WDPCP: variants seen among roughly 807,000 people sequenced by gnomAD.
The protein encoded by WDPCP is WD repeat containing planar cell polarity effector, also known as WD repeat-containing and planar cell polarity effector protein fritz homolog.
Under a neutral mutation model 93.1 loss-of-function variants are expected in WDPCP, and 71 were observed. The ratio of observed to expected loss-of-function variants is 0.76; its 90% CI spans 0.63 to 0.93. The LOEUF (loss-of-function observed/expected upper bound fraction) is 0.93, where lower values mean the gene tolerates loss of function less well. Ranked by LOEUF, WDPCP falls within the 40% of genes least tolerant of loss-of-function variation. The pLI, the probability that WDPCP is intolerant of heterozygous loss-of-function variation, is 0.00. For missense variants in WDPCP, 844 were observed against 887.4 expected (o/e 0.95, Z 0.62); for synonymous variants, 315 against 315.0 (o/e 1.00, Z 0.00).
chr2:63,677,514 G>A (rs969260572), intron 2 of WDPCP, among the ~76,000 whole-genome samples: 19 of 144,170 alleles, frequency 1.3e-4, no homozygotes, highest in African/African-American at 2.6e-4. Flanking sequence ...GCCTATGCAC[G>A]TGACGATAAA....
intron 9 of WDPCP, among the ~76,000 whole-genome samples, chr2:63,424,338 C>A (rs551816162): frequency 3.3e-5 from 5 of 152,200 alleles, no homozygotes; most frequent in African/African-American, 7.2e-5. Context: ...CTCCATTTTC[C>A]TCCAGGTAGT....
At chr2:63,822,720 T>C (rs985188548) in intron 1 of WDPCP, among the ~76,000 whole-genome samples, 2 of 151,962 alleles carry the variant, frequency 1.3e-5, no homozygotes, top group African/African-American at 4.8e-5. Context: ...ACCCTGTCTC[T>C]AAAAGAAAAT....
chr2:63,469,380 A>G (rs572811757), intron 6 of WDPCP, among the ~76,000 whole-genome samples: 3 of 152,368 alleles, frequency 2.0e-5, no homozygotes, highest in African/African-American at 7.2e-5. Flanking sequence ...TAGTTCTATC[A>G]TAAAGACACA....
At chr2:63,281,976 T>TAA (rs148963515) in intron 13 of WDPCP, among the ~76,000 whole-genome samples, 3 of 147,604 alleles carry the variant, frequency 2.0e-5, no homozygotes, top group Non-Finnish European at 4.5e-5. Flanking sequence ...CCTATTGAAA[T>TAA]AAAAAAAAAA....
At chr2:63,615,424 G>A (rs571005554) in intron 3 of WDPCP, among the ~76,000 whole-genome samples, 6 of 152,278 alleles carry the variant, frequency 3.9e-5, no homozygotes, top group Non-Finnish European at 5.9e-5. Context: ...TAAGCAATGC[G>A]AAGAAGCTCA....
chr2:63,335,749 G>C (rs1473552316), intron 12 of WDPCP, among the ~76,000 whole-genome samples: 2 of 152,136 alleles, frequency 1.3e-5, no homozygotes, highest in African/African-American at 2.4e-5. Flanking sequence ...TAGGAACTGG[G>C]TAAAAATGAG....
intron 2 of WDPCP, among the ~76,000 whole-genome samples, chr2:63,678,004 G>A (rs1710443889): frequency 6.6e-6 from 1 of 152,118 alleles, no homozygotes; most frequent in Non-Finnish European, 1.5e-5. Context: ...ATCTTTCTAT[G>A]ACAGGAAAGT....
intron 9 of WDPCP, among the ~76,000 whole-genome samples, chr2:63,425,495 A>G (rs1157313292): frequency 6.6e-6 from 1 of 152,226 alleles, no homozygotes; most frequent in Non-Finnish European, 1.5e-5. Flanking sequence ...AAATGATTCA[A>G]GAGTAGAAAG....
At chr2:63,684,232 G>T in intron 2 of WDPCP, 1 of 437,630 alleles carries the variant, frequency 2.3e-6, no homozygotes. Flanking sequence ...CACAAAACAA[G>T]TCTTAAAACA....
intron 9 of WDPCP, among the ~76,000 whole-genome samples, chr2:63,415,893 G>A (rs1217242914): frequency 6.6e-6 from 1 of 152,170 alleles, no homozygotes; most frequent in Non-Finnish European, 1.5e-5. Context: ...TTGTCCAGTA[G>A]CTAATAATAT....
In WDPCP at chr2:63,545,857, T is replaced by TA. The variant is rs76994891; in HGVS notation, c.75+42339dup. Among the ~76,000 whole-genome samples the TA allele has an allele frequency of 3.3e-3, 439 of 132,104 alleles. 1 individual carries two copies. The highest frequency in any genetic ancestry group is 6.7e-3 in the African/African-American group (242 of 35,902). 86.7% of individuals were successfully genotyped at this position (132,104 alleles called of 152,430 possible). A position where few individuals can be genotyped will look rare whatever the true frequency, so the allele number is the denominator to read the frequency against. On this transcript the variant is annotated intron_variant, in intron 1 of 17. Coordinates refer to ENST00000272321, the MANE Select transcript of WDPCP (RefSeq NM_015910.7). ...TTCTTCTGAACGAGGCGCTCAGATT[T>TA]AAAAAAAAAAAAAAAAAAGTACTGT...
At chr2:63,702,135 C>G (rs930125490) in intron 2 of WDPCP, among the ~76,000 whole-genome samples, 3 of 152,140 alleles carry the variant, frequency 2.0e-5, no homozygotes, top group Admixed American at 6.5e-5. Flanking sequence ...AAGCGATTCT[C>G]CTGCCTCAGC....
upstream of WDPCP, among the ~76,000 whole-genome samples, chr2:63,832,764 A>G (rs1015335588): frequency 3.9e-5 from 6 of 152,176 alleles, no homozygotes; most frequent in Non-Finnish European, 7.3e-5. Flanking sequence ...ACTATGATAC[A>G]CTCTGGGGAT....
chr2:63,754,330 A>G (rs1476312601), intron 2 of WDPCP, among the ~76,000 whole-genome samples: 1 of 152,242 alleles, frequency 6.6e-6, no homozygotes, highest in Non-Finnish European at 1.5e-5. Context: ...AGGGCACCAC[A>G]GTATCAACCA....
intron 2 of WDPCP, among the ~76,000 whole-genome samples, chr2:63,708,076 G>A (rs1298769017): frequency 6.6e-6 from 1 of 152,190 alleles, no homozygotes; most frequent in Non-Finnish European, 1.5e-5. Flanking sequence ...TGGGGGTCAG[G>A]GAACCACTTG....
At chr2:63,605,821 T>G (rs1709516321) in intron 3 of WDPCP, 1 of 834,116 alleles carries the variant, frequency 1.2e-6, no homozygotes, top group Admixed American at 1.8e-5. Context: ...GATAGTTCCT[T>G]ACACAGTAAT....
intron 2 of WDPCP, among the ~76,000 whole-genome samples, chr2:63,669,658 C>G (rs1262021331): frequency 6.6e-6 from 1 of 152,112 alleles, no homozygotes; most frequent in African/African-American, 2.4e-5. Flanking sequence ...CCGTGCCCAG[C>G]CTAATTTTTA....
rs545435507 is a variant in WDPCP at position 63,665,653 on chromosome 2, G to A, written n.309-14815C>T. 2.0e-5 allele frequency among the ~76,000 whole-genome samples: 3 copies of A among 152,276 alleles called. No individual in the cohort carries two copies. The East Asian group carries it at 5.8e-4, about 29-fold the overall frequency. ...ACAAATGTGACAGAAAGGTAAAGAA[G>A]GATATTGGCTGCAAATAAACTATTG... On this transcript the variant is annotated intron_variant and non_coding_transcript_variant, in intron 2 of 4. Coordinates refer to the WDPCP transcript ENST00000467687.
At chr2:63,675,497 G>A (rs917350945) in intron 2 of WDPCP, among the ~76,000 whole-genome samples, 2 of 152,110 alleles carry the variant, frequency 1.3e-5, no homozygotes, top group African/African-American at 4.8e-5. Context: ...TGCTGTTCAA[G>A]CTCTCTCATT....
Sources: allele counts gnomAD v4.1 joint callset (sites outside exome capture counted in the v4.1 genomes callset), GRCh38; gene constraint gnomAD v4.1.1; transcripts MANE v1.5; gene names NCBI Gene and HGNC (gene_info 2026-07-23, HGNC 2026-07-21).